The following PPFIA2 variants were observed in gnomAD, a reference collection of about 807,000 sequenced individuals.
The protein encoded by PPFIA2 is PPFI scaffold protein A2.
In PPFIA2, 46 loss-of-function variants were observed where a neutral mutation model predicts 175.5. The ratio of observed to expected loss-of-function variants is 0.26; its 90% CI spans 0.21 to 0.34. The LOEUF (loss-of-function observed/expected upper bound fraction) is 0.34, where lower values mean the gene tolerates loss of function less well. PPFIA2 is among the 10% of genes least tolerant of loss of function. The pLI, the probability that PPFIA2 is intolerant of heterozygous loss-of-function variation, is 1.00. For synonymous variants in PPFIA2, 568 were observed against 511.4 expected, an observed-to-expected ratio of 1.11 and a Z score of -1.49; for missense variants, 1,179 against 1,506.1, an observed-to-expected ratio of 0.78 and a Z score of 3.60.
chr12:81,408,871 A>C (rs1286402459), intron 7 of PPFIA2, among the ~76,000 whole-genome samples: 1 of 152,196 alleles, frequency 6.6e-6, no homozygotes, highest in Non-Finnish European at 1.5e-5. Flanking sequence ...TTCTCCAATA[A>C]CAAATTATCC....
chr12:81,374,487 G>GA, intron 11 of PPFIA2, 147 bp downstream of exon 11: 1 of 785,744 alleles, frequency 1.3e-6, no homozygotes, highest in Non-Finnish European at 1.8e-6. Context: ...TGTATGACAA[G>GA]AAAAAAATTG....
intron 5 of PPFIA2, 133 bp downstream of exon 5, chr12:81,457,632 G>A (rs887204287): frequency 2.5e-5 from 13 of 518,368 alleles, no homozygotes; most frequent in Middle Eastern, 5.2e-4. Context: ...TTTACTTTAA[G>A]TAACTGAGTT....
chr12:81,374,309 T>C (rs969057444), intron 11 of PPFIA2, among the ~76,000 whole-genome samples: 41 of 152,256 alleles, frequency 2.7e-4, no homozygotes, highest in Admixed American at 2.0e-4. Context: ...TAAATTGTTA[T>C]GTCTCATATA....
chr12:81,685,583 A>C lies in PPFIA2; in HGVS notation c.250-8739T>G, dbSNP rs755235272. Among the ~76,000 whole-genome samples, 4 of 152,140 alleles carry C rather than the reference A, an allele frequency of 2.6e-5. 1 individual carries two copies. The highest frequency in any genetic ancestry group is 5.9e-5 in the Non-Finnish European group (4 of 67,962). On this transcript the variant is annotated intron_variant, in intron 3 of 32. Transcript: ENST00000549396. ...CATGGGAGGACACAATGAGGAGTAA[A>C]TCAAGGTCACAGGTTTCATAGTATT...
intron 4 of PPFIA2, among the ~76,000 whole-genome samples, chr12:81,638,709 A>T (rs1265032358): frequency 1.9e-5 from 1 of 52,950 alleles, no homozygotes; most frequent in Non-Finnish European, 2.9e-5. Flanking sequence ...TTTTTTTGAG[A>T]CGGAGTCTCG....
chr12:81,704,531 T>C (rs2153605319), intron 3 of PPFIA2, among the ~76,000 whole-genome samples: 1 of 152,214 alleles, frequency 6.6e-6, no homozygotes, highest in South Asian at 2.1e-4. Flanking sequence ...ATGAAACTTG[T>C]CTTTGATGGG....
chr12:81,499,367 T>G (rs146279579), intron 4 of PPFIA2, among the ~76,000 whole-genome samples: 378 of 152,352 alleles, frequency 2.5e-3, no homozygotes, highest in Non-Finnish European at 2.6e-3. Context: ...TCATTTTATC[T>G]TCTTCCTCTC....
chr12:81,578,564 G>T (rs962015741), intron 4 of PPFIA2, among the ~76,000 whole-genome samples: 1 of 151,700 alleles, frequency 6.6e-6, no homozygotes, highest in East Asian at 1.9e-4. Context: ...TCATGACGAG[G>T]ATGATGATCA....
chr12:81,546,895 C>T (rs1334569459), intron 4 of PPFIA2, among the ~76,000 whole-genome samples: 1 of 152,056 alleles, frequency 6.6e-6, no homozygotes, highest in East Asian at 1.9e-4. Context: ...AGTGTGAGGA[C>T]CACTGGTCCA....
At chr12:81,668,365 C>G (rs2070761429) in intron 4 of PPFIA2, among the ~76,000 whole-genome samples, 2 of 152,002 alleles carry the variant, frequency 1.3e-5, no homozygotes, top group Non-Finnish European at 2.9e-5. Context: ...TTTAGGTTAG[C>G]TTAACCAGAC....
At chr12:81,467,639 A>G (rs1300373467) in intron 4 of PPFIA2, among the ~76,000 whole-genome samples, 2 of 152,214 alleles carry the variant, frequency 1.3e-5, no homozygotes, top group African/African-American at 2.4e-5. Context: ...ATCTTCTATT[A>G]TCGTCTCCTC....
At chr12:81,597,037 T>C (rs2059320861) in intron 4 of PPFIA2, among the ~76,000 whole-genome samples, 1 of 152,148 alleles carries the variant, frequency 6.6e-6, no homozygotes, top group Non-Finnish European at 1.5e-5. Flanking sequence ...ATTAATTCTC[T>C]AGGCCGTTAT....
chr12:81,473,339 G>T (rs918532383), intron 4 of PPFIA2, among the ~76,000 whole-genome samples: 1 of 152,148 alleles, frequency 6.6e-6, no homozygotes, highest in Non-Finnish European at 1.5e-5. Context: ...AACCCGGGAG[G>T]CGGAGGTTGC....
At chr12:81,301,725 T>C (rs973773876) in intron 22 of PPFIA2, among the ~76,000 whole-genome samples, 2 of 152,152 alleles carry the variant, frequency 1.3e-5, no homozygotes, top group Non-Finnish European at 2.9e-5. Flanking sequence ...CAGACCTCTT[T>C]TCTGTCTCAG....
At chr12:81,508,350 C>T (rs777083890) in intron 4 of PPFIA2, among the ~76,000 whole-genome samples, 28 of 151,526 alleles carry the variant, frequency 1.8e-4, no homozygotes, top group Admixed American at 3.9e-4. Context: ...AGAGAAACCC[C>T]GTTTCTACCA....
At chr12:81,743,997 T>TA (rs1207324787) in intron 3 of PPFIA2, among the ~76,000 whole-genome samples, 1 of 152,210 alleles carries the variant, frequency 6.6e-6, no homozygotes, top group Non-Finnish European at 1.5e-5. Flanking sequence ...CATAATCATT[T>TA]AAAATTAGCA....
chr12:81,561,394 C>A (rs1166256552), intron 4 of PPFIA2, among the ~76,000 whole-genome samples: 2 of 152,044 alleles, frequency 1.3e-5, no homozygotes, highest in East Asian at 3.9e-4. Context: ...AAGAATTAGA[C>A]ACAGTTCATG....
intron 4 of PPFIA2, among the ~76,000 whole-genome samples, chr12:81,634,829 C>G (rs2063803076): frequency 6.6e-6 from 1 of 151,864 alleles, no homozygotes; most frequent in Non-Finnish European, 1.5e-5. Flanking sequence ...TCTGGTGTTC[C>G]AAATTTCCTT....
At chr12:81,634,438 G>A (rs1157859678) in intron 4 of PPFIA2, among the ~76,000 whole-genome samples, 5 of 151,962 alleles carry the variant, frequency 3.3e-5, no homozygotes, top group Non-Finnish European at 7.4e-5. Context: ...GCCTTTGGTT[G>A]AACTGATGAA....
Sources: allele counts gnomAD v4.1 joint callset (sites outside exome capture counted in the v4.1 genomes callset), GRCh38; gene constraint gnomAD v4.1.1; transcripts MANE v1.5; gene names NCBI Gene and HGNC (gene_info 2026-07-23, HGNC 2026-07-21).